PIAS2: variants seen among roughly 807,000 people sequenced by gnomAD.
PIAS2 encodes the protein E3 SUMO-protein ligase PIAS2.
In PIAS2, 19 loss-of-function variants were observed where a neutral mutation model predicts 69.7. The ratio of observed to expected loss-of-function variants is 0.27; its 90% confidence interval spans 0.19 to 0.40. The LOEUF is 0.40. PIAS2 is among the 10% of genes least tolerant of loss of function. PIAS2 has a pLI of 1.00. For missense variants in PIAS2, 624 were observed against 757.0 expected (o/e 0.82, Z 2.06); for synonymous variants, 261 against 263.2 (o/e 0.99, Z 0.08).
chr18:46,844,743 T>C lies in PIAS2; in HGVS notation c.958A>G (p.Arg320Gly). 1 of 1,372,482 alleles carries C rather than the reference T, an allele frequency of 7.3e-7. No homozygotes were observed. The highest frequency in any genetic ancestry group is 2.7e-5 in the Admixed American group (1 of 37,300). The allele number at this position is 1,372,482 out of a possible 1,614,324, so 85.0% of individuals were successfully genotyped here. A position where few individuals can be genotyped will look rare whatever the true frequency, so the allele number is the denominator to read the frequency against. The change falls in exon 7 of 14, where the codon AGA becomes GGA. Residue 320 changes from arginine to glycine, a missense_variant. This residue lies in a region of PIAS2 where 339 missense variants were observed against 408.8 expected (regional missense o/e 0.83). Transcript: ENST00000585916. ...ATTAAACATTACTTACTTAGTGCTC[T>C]GGAATGATCAGGGTTTCTAATACCT... ...MKGIRNPDHS[R>G]ALIKEKLTAD...
chr18:46,833,689 G>T (rs1237229046), intron 9 of PIAS2, among the ~76,000 whole-genome samples: 2 of 152,128 alleles, frequency 1.3e-5, no homozygotes, highest in East Asian at 3.8e-4. Context: ...ATTCTGAAAA[G>T]AAATGGCCTA....
intron 11 of PIAS2, among the ~76,000 whole-genome samples, chr18:46,821,664 T>C (rs538397545): frequency 1.3e-5 from 2 of 152,252 alleles, no homozygotes; most frequent in Admixed American, 1.3e-4. Flanking sequence ...ATTTAAAATA[T>C]AATATCCAGA....
At chr18:46,911,822 G>T (rs1011211803) in intron 1 of PIAS2, among the ~76,000 whole-genome samples, 1 of 152,210 alleles carries the variant, frequency 6.6e-6, no homozygotes, top group Non-Finnish European at 1.5e-5. Flanking sequence ...AAGGGAGGGG[G>T]AGTGGATCAC....
chr18:46,823,946 A>G (rs1379570470), intron 11 of PIAS2, among the ~76,000 whole-genome samples: 2 of 152,216 alleles, frequency 1.3e-5, no homozygotes, highest in Non-Finnish European at 2.9e-5. Context: ...GTAAATGGCT[A>G]TGGATGGTGA....
At position 46,880,438 on chromosome 18, in the gene PIAS2, CACTT is replaced by C. The variant is rs2052038264; in HGVS notation, c.499+10138_499+10141del. ...GGGCAGGGCAAGGTACAGTGACACA[CACTT>C]ACAGTGACACATACCTATAGTCCCA... On this transcript the variant is annotated intron_variant, in intron 2 of 13. Transcript: ENST00000585916. 5.9e-5 allele frequency among the ~76,000 whole-genome samples: 9 copies of C among 152,150 alleles called. No homozygotes were observed. In the South Asian group the frequency reaches 1.9e-3, roughly 32 times the overall value.
chr18:46,819,656 A>T (rs1255486459), intron 12 of PIAS2, among the ~76,000 whole-genome samples: 2 of 152,156 alleles, frequency 1.3e-5, no homozygotes, highest in Admixed American at 6.6e-5. Flanking sequence ...AAAATAAATC[A>T]TAGGTCAAAA....
chr18:46,872,251 A>C (rs1275811425), intron 2 of PIAS2, among the ~76,000 whole-genome samples: 1 of 152,238 alleles, frequency 6.6e-6, no homozygotes, highest in Non-Finnish European at 1.5e-5. Flanking sequence ...CCCTTACACT[A>C]TCCTCAGCAA....
intron 10 of PIAS2, 59 bp downstream of exon 10, chr18:46,829,675 T>C: frequency 1.3e-6 from 2 of 1,487,642 alleles, no homozygotes; most frequent in South Asian, 2.5e-5. Flanking sequence ...GGGGCCAAGA[T>C]TAATGATAAT....
At chr18:46,898,934 G>A (rs2055338169) in intron 1 of PIAS2, among the ~76,000 whole-genome samples, 1 of 151,608 alleles carries the variant, frequency 6.6e-6, no homozygotes, top group African/African-American at 2.4e-5. Flanking sequence ...GGCGGAGGTT[G>A]CAGTTAGCCG....
intron 2 of PIAS2, among the ~76,000 whole-genome samples, chr18:46,878,644 G>A (rs555879470): frequency 5.3e-5 from 8 of 152,196 alleles, no homozygotes; most frequent in East Asian, 1.9e-4. Context: ...CAAGGTGGGC[G>A]GATCACCTGA....
intron 2 of PIAS2, among the ~76,000 whole-genome samples, chr18:46,876,322 T>C (rs754647093): frequency 2.0e-5 from 3 of 152,216 alleles, no homozygotes; most frequent in Non-Finnish European, 4.4e-5. Flanking sequence ...GCCAGATGAA[T>C]TTAAGGTGCA....
chr18:46,815,322 A>T lies in PIAS2; in HGVS notation c.1676T>A (p.Val559Asp). The T allele has an allele frequency of 6.2e-7, 1 of 1,612,172 alleles. No individual in the cohort carries two copies. Among genetic ancestry groups the T allele is most frequent in the African/African-American group, 1.3e-5 (1 of 74,928 alleles). Residue 559 changes from valine (V) to aspartate (D), a missense_variant, in exon 13 of 14, where the codon GTT becomes GAT. By Grantham distance (152) the Val-to-Asp change is radical. Coordinates refer to ENST00000585916, the MANE Select transcript of PIAS2 (RefSeq NM_004671.5). ...ATTCAGGATACATACCTGGGGATCA[A>T]CTGGAATAAGGGAAAGAAAATCCAA... ...PGLDFLSLIP[V>D]DPQYCPPMFL...
chr18:46,846,920 C>A, intron 5 of PIAS2, 79 bp from the exon 6 acceptor site: 1 of 1,241,980 alleles, frequency 8.1e-7, no homozygotes, highest in Non-Finnish European at 1.1e-6. Context: ...GATACAGGAT[C>A]CTGCCCAATT....
chr18:46,824,065 T>C (rs550053408), intron 11 of PIAS2, among the ~76,000 whole-genome samples: 1 of 152,374 alleles, frequency 6.6e-6, no homozygotes, highest in Non-Finnish European at 1.5e-5. Context: ...GATACGTGTA[T>C]ACATTATGCA....
rs2043063582 is a variant in PIAS2 at position 46,828,067 on chromosome 18, A to G, written c.1400T>C (p.Val467Ala). Reference sequence around the variant, plus strand: ...TTCTATTGTAAGATCAATAACATCTACTTTCTTCTTGCTTGCCTCACTGGC... The same window carrying G: ...TTCTATTGTAAGATCAATAACATCTGCTTTCTTCTTGCTTGCCTCACTGGC... ...TVASEASKKK[V>A]DVIDLTIESS... The change falls in exon 11 of 14, where the codon GTA becomes GCA. Residue 467 changes from valine (V) to alanine (A), a missense_variant. Around this residue, in one of 3 missense-constraint regions of PIAS2, gnomAD observed 241 missense variants for 257.3 expected, o/e 0.94. Coordinates refer to ENST00000585916, the MANE Select transcript of PIAS2 (RefSeq NM_004671.5). 2 of 1,613,810 alleles carry G rather than the reference A, an allele frequency of 1.2e-6. No homozygotes were observed. Among genetic ancestry groups the G allele is most frequent in the Non-Finnish European group, 1.7e-6 (2 of 1,179,822 alleles).
intron 1 of PIAS2, among the ~76,000 whole-genome samples, chr18:46,908,206 C>G (rs1462125204): frequency 5.9e-5 from 9 of 152,124 alleles, no homozygotes; most frequent in African/African-American, 2.2e-4. Flanking sequence ...GAACTCCTGG[C>G]TCAAGTGATG....
In PIAS2 at chr18:46,836,487, G is replaced by A. The variant is rs867501312; in HGVS notation, c.1072C>T (p.Arg358Cys). 1 of 1,612,824 alleles carries A rather than the reference G, an allele frequency of 6.2e-7. No homozygotes were observed. The highest frequency in any genetic ancestry group is 8.5e-7 in the Non-Finnish European group (1 of 1,179,228). ...TGCAGATGTGTACAAGTCACTGCAC[G>A]GCATGGGATTGTCAGCCTCATTTTT... ...LGKMRLTIPC[R>C]AVTCTHLQCF... The change falls in exon 9 of 14, where the codon CGT becomes TGT. Residue 358 changes from arginine to cysteine, a missense_variant. Transcript: ENST00000585916.
chr18:46,849,777 C>A (rs997594717), intron 5 of PIAS2, among the ~76,000 whole-genome samples: 5 of 152,170 alleles, frequency 3.3e-5, no homozygotes, highest in African/African-American at 4.8e-5. Context: ...ATAGCAGGGA[C>A]CCACCAACCA....
intron 1 of PIAS2, among the ~76,000 whole-genome samples, chr18:46,903,861 A>C (rs1178731145): frequency 1.3e-5 from 2 of 152,246 alleles, no homozygotes; most frequent in Non-Finnish European, 2.9e-5. Flanking sequence ...TAGTGAATTC[A>C]TATCGTGGAA....
Sources: allele counts gnomAD v4.1 joint callset (sites outside exome capture counted in the v4.1 genomes callset), GRCh38; gene constraint gnomAD v4.1.1; regional missense constraint gnomAD v4.1.1; transcripts MANE v1.5; gene names NCBI Gene and HGNC (gene_info 2026-07-23, HGNC 2026-07-21).